SUMF2: variants seen among roughly 807,000 people sequenced by gnomAD.
SUMF2 encodes the protein inactive C-alpha-formylglycine-generating enzyme 2.
SUMF2 carries 45 observed loss-of-function variants against 44.8 expected under a neutral mutation model. The observed-to-expected ratio is 1.00, with a 90% CI of 0.79 to 1.29. SUMF2 has a LOEUF of 1.29. SUMF2 is among the 50% of genes most tolerant of loss of function. SUMF2 has a pLI of 0.00. For missense variants in SUMF2, 418 were observed against 389.9 expected, an observed-to-expected ratio of 1.07 and a Z score of -0.61; for synonymous variants, 148 against 150.4, an observed-to-expected ratio of 0.98 and a Z score of 0.12.
the SUMF2 span, chr7:56,086,951 T>A: frequency 6.2e-7 from 1 of 1,605,090 alleles, no homozygotes; most frequent in East Asian, 2.2e-5. Flanking sequence ...TGTGGCTTGC[T>A]CCAGTGCTGG....
intron 7 of SUMF2, 39 bp from the exon 8 acceptor site, chr7:56,078,325 C>T (rs369964946): frequency 5.8e-5 from 91 of 1,557,168 alleles, no homozygotes; most frequent in Admixed American, 1.1e-4. Context: ...GGGTGGTCGG[C>T]GGGTCCCAGC....
At chr7:56,067,044 ATGCTTCTCT>A (rs1794853916) in intron 1 of SUMF2, among the ~76,000 whole-genome samples, 1 of 152,232 alleles carries the variant, frequency 6.6e-6, no homozygotes, top group Non-Finnish European at 1.5e-5. Flanking sequence ...TATGTATTAT[ATGCTTCTCT>A]TCTGGCTCAT....
intron 6 of SUMF2, among the ~76,000 whole-genome samples, chr7:56,077,459 C>T (rs1795639894): frequency 1.3e-5 from 2 of 150,202 alleles, no homozygotes; most frequent in Non-Finnish European, 3.0e-5. Context: ...GTCAGGAGTT[C>T]AAGACCAGCC....
chr7:56,076,005 G>A lies in SUMF2; in HGVS notation c.536-829G>A, dbSNP rs192051379. 7.0e-3 allele frequency among the ~76,000 whole-genome samples: 1,045 copies of A among 149,970 alleles called. 8 individuals carry two copies. Among genetic ancestry groups the A allele is most frequent in the African/African-American group, 0.023 (942 of 40,970 alleles). On this transcript the variant is annotated intron_variant, in intron 5 of 8. Transcript: ENST00000434526. ...AGCCTCCCTAGTACCTGGGATTACA[G>A]GCACCTGCCACCATGCCCGGCTATT...
downstream of SUMF2, among the ~76,000 whole-genome samples, chr7:56,085,312 G>T (rs530730281): frequency 2.7e-4 from 41 of 152,172 alleles, no homozygotes; most frequent in Non-Finnish European, 4.4e-4. Context: ...TGCCCAGGCT[G>T]GTCTCAAACT....
chr7:56,069,628 G>A (rs989613030), intron 2 of SUMF2, among the ~76,000 whole-genome samples: 4 of 151,780 alleles, frequency 2.6e-5, no homozygotes, highest in African/African-American at 9.7e-5. Flanking sequence ...TTGAGACAGG[G>A]TCTGGCTCTG....
downstream of SUMF2, chr7:56,083,769 T>G: frequency 8.1e-7 from 1 of 1,241,968 alleles, no homozygotes; most frequent in Non-Finnish European, 1.2e-6. Flanking sequence ...CCACTGCCCT[T>G]ACCCTGCTCC....
chr7:56,073,856 AAAAAG>A (rs1253890086), intron 3 of SUMF2: 1 of 340,052 alleles, frequency 2.9e-6, no homozygotes, highest in Non-Finnish European at 5.3e-6. Flanking sequence ...AAAAAAGAAA[AAAAAG>A]AAAATTAGCT....
chr7:56,081,259 T>C (rs764743460), downstream of SUMF2: 26 of 1,612,588 alleles, frequency 1.6e-5, no homozygotes, highest in Middle Eastern at 3.4e-4. The surrounding 1 kb of genome is among the most constrained non-coding windows in gnomAD (Gnocchi z 4.6). Flanking sequence ...GCGGTACTGG[T>C]AGTAGATCCG....
chr7:56,076,131 A>G (rs1438386024), intron 5 of SUMF2, among the ~76,000 whole-genome samples: 2 of 150,868 alleles, frequency 1.3e-5, no homozygotes, highest in African/African-American at 4.9e-5. Flanking sequence ...GGTTCACGCC[A>G]TTCTCCTGCC....
At chr7:56,066,571 C>T (rs777677283) in intron 1 of SUMF2, among the ~76,000 whole-genome samples, 1 of 151,920 alleles carries the variant, frequency 6.6e-6, no homozygotes, top group African/African-American at 2.4e-5. Flanking sequence ...CCTCAGCTTC[C>T]GGAGTAGTTG....
intron 7 of SUMF2, 51 bp downstream of exon 7, chr7:56,078,237 C>A (rs1254785387): frequency 1.3e-6 from 2 of 1,581,260 alleles, no homozygotes; most frequent in Non-Finnish European, 8.7e-7. Flanking sequence ...GCTGTTGGGA[C>A]CATCATGTCT....
At chr7:56,065,432 C>T (rs1368663689) in intron 1 of SUMF2, among the ~76,000 whole-genome samples, 24 of 152,088 alleles carry the variant, frequency 1.6e-4, no homozygotes, top group Non-Finnish European at 8.8e-5. Context: ...GACAGTGCTT[C>T]TTAATAATAT....
rs1429598875 is a variant in SUMF2 at position 56,076,859 on chromosome 7, G to T, written c.561G>T (p.Trp187Cys). ...GTCAAGTTTACCCATGGGGGAACTG[G>T]TTCCAGCCAAACCGCACCAACCTGT... is the stretch of plus-strand genomic sequence containing the variant. ...LKGQVYPWGN[W>C]FQPNRTNLWQ... is the part of the protein sequence containing the mutation. Residue 187 changes from tryptophan to cysteine, a missense_variant, in exon 6 of 9, where the codon TGG becomes TGT. Transcript: ENST00000434526. 1 of 1,603,166 alleles carries T rather than the reference G, an allele frequency of 6.2e-7. No homozygotes were observed. Among genetic ancestry groups the T allele is most frequent in the East Asian group, 2.3e-5 (1 of 44,138 alleles).
At chr7:56,074,056 C>T (rs1484132624) in intron 3 of SUMF2, 118 bp from the exon 4 acceptor site, 10 of 701,610 alleles carry the variant, frequency 1.4e-5, no homozygotes, top group Non-Finnish European at 2.6e-5. Context: ...CAGCCACAAC[C>T]TCACTTAGAC....
At chr7:56,068,911 C>G (rs1203304791) in intron 2 of SUMF2, among the ~76,000 whole-genome samples, 1 of 151,348 alleles carries the variant, frequency 6.6e-6, no homozygotes, top group Non-Finnish European at 1.5e-5. Context: ...CGGGGTTTCT[C>G]CATGTTGGCC....
downstream of SUMF2, chr7:56,083,750 C>A: frequency 7.0e-7 from 1 of 1,419,742 alleles, no homozygotes; most frequent in Non-Finnish European, 9.8e-7. Context: ...TGGATCGGTC[C>A]CAAGACCACC....
the SUMF2 span, chr7:56,086,880 G>A: frequency 1.1e-6 from 1 of 947,756 alleles, no homozygotes; most frequent in South Asian, 1.3e-5. Flanking sequence ...GCAGGAGCTG[G>A]CTGTGGTCTC....
At chr7:56,074,427 T>G in intron 4 of SUMF2, 159 bp from the exon 5 acceptor site, 1 of 1,061,098 alleles carries the variant, frequency 9.4e-7, no homozygotes, top group South Asian at 1.6e-5. Context: ...CCTCCTGTAG[T>G]CTCTTTTTTC....
Sources: gnomAD v4.1 joint callset for allele counts (sites outside exome capture counted in the v4.1 genomes callset) on GRCh38, gnomAD v4.1.1 for gene constraint, Gnocchi (gnomAD v3.1) non-coding constraint, MANE v1.5 for transcripts, NCBI Gene and HGNC (gene_info 2026-07-23, HGNC 2026-07-21) for gene names.